The following PRMT2 variants were observed in gnomAD, a reference collection of about 807,000 sequenced individuals.
The protein encoded by PRMT2 is protein arginine methyltransferase 2, also known as protein arginine N-methyltransferase 2.
Under a neutral mutation model 57.6 loss-of-function variants are expected in PRMT2, and 26 were observed. The ratio of observed to expected loss-of-function variants is 0.45; its 90% CI spans 0.33 to 0.63. The LOEUF (loss-of-function observed/expected upper bound fraction) is 0.63. Among genes scored for constraint, PRMT2 ranks in the 20% least tolerant of loss-of-function variants. The probability of loss-of-function intolerance (pLI) is 0.02; values close to 1 mark genes in which losing one functional copy is unlikely to be tolerated. For missense variants in PRMT2, 472 were observed against 564.4 expected (o/e 0.84, Z 1.66); for synonymous variants, 219 against 220.0 (o/e 1.00, Z 0.04).
chr21:46,658,786 C>A lies in PRMT2; in HGVS notation c.696C>A (p.Ala232=), dbSNP rs748067661. 1 of 1,614,216 alleles carries A rather than the reference C, an allele frequency of 6.2e-7. No individual in the cohort carries two copies. The highest frequency in any genetic ancestry group is 1.7e-5 in the Admixed American group (1 of 60,036). Residue 232 remains alanine (A), a synonymous_variant, in exon 8 of 12, where the codon GCC becomes GCA. Coordinates refer to ENST00000355680, the MANE Select transcript of PRMT2 (RefSeq NM_206962.4). ...AGTCCATCCTGTATGCCCGGGATGC[C>A]TGGCTGAAGGAGGACGGGGTCATTT... The part of the protein sequence containing the change: ...MIESILYARD[A]WLKEDGVIWP...
In PRMT2 at chr21:46,659,934, A is replaced by G. The variant is rs1450597999; in HGVS notation, c.831-899A>G. 13 of 985,228 alleles carry G rather than the reference A, an allele frequency of 1.3e-5. No homozygotes were observed. The Admixed American group carries it at 5.5e-4, about 42-fold the overall frequency. The allele number at this position is 985,228 out of a possible 1,614,324, so 61.0% of individuals were successfully genotyped here. ...TGGCAGAATAAACCGTGTATACAGA[A>G]TGGATGTTTGCTTGCATAAATAAAT... On this transcript the variant is annotated intron_variant, in intron 8 of 11. Coordinates refer to ENST00000355680, the MANE Select transcript of PRMT2 (RefSeq NM_206962.4).
chr21:46,645,105 A>T (rs1333610140), intron 5 of PRMT2, among the ~76,000 whole-genome samples: 3 of 49,628 alleles, frequency 6.0e-5, no homozygotes, highest in Admixed American at 2.3e-4. Flanking sequence ...AAAAAAATTA[A>T]AAAAAAATAT....
intron 3 of PRMT2, among the ~76,000 whole-genome samples, chr21:46,642,179 G>A (rs2256208): frequency 0.78 from 118,831 of 152,134 alleles, 46,637 homozygotes; most frequent in East Asian, 0.9. Context: ...CAGTCCATCA[G>A]GTTCACATTC....
In PRMT2 at chr21:46,644,349, C is replaced by G. The variant is rs1255058285; in HGVS notation, c.188C>G (p.Thr63Ser). The G allele has an allele frequency of 2.5e-6, 4 of 1,610,320 alleles. No homozygotes were observed. The highest frequency in any genetic ancestry group is 3.4e-6 in the Non-Finnish European group (4 of 1,178,834). ...RGEKILILRQ[T>S]TADWWWGERA... is the part of the protein sequence containing the mutation. ...GAAAAAATTCTTATCCTGAGACAAA[C>G]CACTGCAGATTGGTGGTGGGGTGAG... The change falls in exon 5 of 12, where the codon ACC becomes AGC. Residue 63 changes from threonine to serine, a missense_variant. Around this residue, in one of 2 missense-constraint regions of PRMT2, gnomAD observed 243 missense variants for 347.2 expected, o/e 0.70. Transcript: ENST00000355680.
intron 3 of PRMT2, among the ~76,000 whole-genome samples, chr21:46,642,328 A>G (rs889938942): frequency 1.3e-5 from 2 of 151,240 alleles, no homozygotes; most frequent in African/African-American, 4.8e-5. Context: ...AAGTCCTGAT[A>G]ATTCATAGAC....
chr21:46,663,249 C>T lies in PRMT2; in HGVS notation c.1098-134C>T, dbSNP rs565841554. ...AAAAGCCAAGCTTTGTGTCCCCAGG[C>T]CCTCAGGGTGGACTGCCGGCTGTGT... On this transcript the variant is annotated intron_variant, in intron 10 of 11. Coordinates refer to ENST00000355680, the MANE Select transcript of PRMT2 (RefSeq NM_206962.4). 52 of 778,620 alleles carry T rather than the reference C, an allele frequency of 6.7e-5. No homozygotes were observed. In the African/African-American group the frequency reaches 6.8e-4, roughly 10 times the overall value. 48.2% of individuals were successfully genotyped at this position (778,620 alleles called of 1,614,324 possible).
intron 7 of PRMT2, chr21:46,652,428 G>T: frequency 9.5e-7 from 1 of 1,056,522 alleles, no homozygotes. Flanking sequence ...AAAAGCATAA[G>T]ATAAAGGTAA....
chr21:46,648,791 G>A lies in PRMT2; in HGVS notation c.489+172G>A, dbSNP rs534680938. 1.2e-3 allele frequency among the ~76,000 whole-genome samples: 184 copies of A among 152,300 alleles called. 1 individual carries two copies. Among genetic ancestry groups the A allele is most frequent in the Middle Eastern group, 6.8e-3 (2 of 294 alleles). On this transcript the variant is annotated intron_variant, in intron 6 of 11. Coordinates refer to ENST00000355680, the MANE Select transcript of PRMT2 (RefSeq NM_206962.4). This position sits in a 1 kb window ranked among gnomAD's most constrained non-coding sequence, Gnocchi z 4.8. ...CTCAGGGTCGGTAAAATAGCAGTGCGTGGAGACCGCGTGCTAGAGGCCGTG... is the reference window on the plus strand; with the variant it reads ...CTCAGGGTCGGTAAAATAGCAGTGCATGGAGACCGCGTGCTAGAGGCCGTG...
At chr21:46,662,764 C>G (rs1214183332) in intron 10 of PRMT2, among the ~76,000 whole-genome samples, 1 of 152,174 alleles carries the variant, frequency 6.6e-6, no homozygotes, top group Admixed American at 6.5e-5. Context: ...GCCTGAGGAA[C>G]TTAGAGATGT....
At chr21:46,655,570 A>T (rs2061530148) in intron 7 of PRMT2, among the ~76,000 whole-genome samples, 1 of 152,196 alleles carries the variant, frequency 6.6e-6, no homozygotes, top group Non-Finnish European at 1.5e-5. Context: ...GACATCTACA[A>T]AAAAACCTAC....
chr21:46,649,340 C>T lies in PRMT2; in HGVS notation c.490-235C>T, dbSNP rs1025347397. Among the ~76,000 whole-genome samples, 9 of 152,298 alleles carry T rather than the reference C, an allele frequency of 5.9e-5. No individual in the cohort carries two copies. The highest frequency in any genetic ancestry group is 1.0e-4 in the Non-Finnish European group (7 of 68,028). ...TGCGAGTCTTCCATCCACTTGCAGCCCTGCGTCTGTGTCTTGTCCGGGAGG... is the reference window on the plus strand; with the variant it reads ...TGCGAGTCTTCCATCCACTTGCAGCTCTGCGTCTGTGTCTTGTCCGGGAGG... On this transcript the variant is annotated intron_variant, in intron 6 of 11. Transcript: ENST00000355680. This position sits in a 1 kb window ranked among gnomAD's most constrained non-coding sequence, Gnocchi z 4.8.
chr21:46,662,752 G>C (rs2061649770), intron 10 of PRMT2, among the ~76,000 whole-genome samples: 1 of 152,202 alleles, frequency 6.6e-6, no homozygotes. Context: ...AGGGAAGACA[G>C]AGCCTGAGGA....
chr21:46,660,552 C>T (rs1367339303), intron 8 of PRMT2, among the ~76,000 whole-genome samples: 2 of 152,184 alleles, frequency 1.3e-5, no homozygotes, highest in Admixed American at 6.5e-5. Context: ...ATGAATGAGA[C>T]CTCACAGGGA....
At chr21:46,659,970 ATGTC>A (rs1299828625) in intron 8 of PRMT2, 19 of 983,546 alleles carry the variant, frequency 1.9e-5, no homozygotes, top group East Asian at 1.1e-4. Flanking sequence ...TTATATAAAT[ATGTC>A]TGGGGGATAA....
intron 7 of PRMT2, chr21:46,654,795 A>C (rs933221423): frequency 1.7e-6 from 1 of 575,844 alleles, no homozygotes; most frequent in African/African-American, 2.0e-5. Flanking sequence ...TATATGGGGG[A>C]CTTTAGCATC....
chr21:46,654,251 T>A, intron 7 of PRMT2: 1 of 468,188 alleles, frequency 2.1e-6, no homozygotes, highest in Non-Finnish European at 2.8e-6. Context: ...TAGCAATACA[T>A]ATGATCATTA....
intron 3 of PRMT2, among the ~76,000 whole-genome samples, chr21:46,639,689 A>AGTGT (rs764502507): frequency 1.4e-5 from 2 of 146,330 alleles, no homozygotes; most frequent in Non-Finnish European, 3.0e-5. Flanking sequence ...GCTTACATAA[A>AGTGT]GTGTGTGTGT....
intron 7 of PRMT2, among the ~76,000 whole-genome samples, chr21:46,651,543 C>T (rs2061451251): frequency 6.6e-6 from 1 of 151,874 alleles, no homozygotes. Flanking sequence ...TGGTTTTCTC[C>T]AGTGCAGGCA....
In PRMT2 at chr21:46,649,561, C is replaced by T; in HGVS notation, c.490-14C>T. ...CCGGCCGGATGTACGCTGACGGTGC[C>T]TCTGCTGCTGCAGGTGTACGCGGTG... On this transcript the variant is annotated splice_polypyrimidine_tract_variant and intron_variant, in intron 6 of 11. Transcript: ENST00000355680. The surrounding 1 kb of genome is among the most constrained non-coding windows in gnomAD (Gnocchi z 4.8). 1.9e-6 allele frequency: 3 copies of T among 1,613,966 alleles called. No individual in the cohort carries two copies. Among genetic ancestry groups the T allele is most frequent in the Non-Finnish European group, 1.7e-6 (2 of 1,180,042 alleles).
Sources: allele counts gnomAD v4.1 joint callset (sites outside exome capture counted in the v4.1 genomes callset), GRCh38; gene constraint gnomAD v4.1.1; regional missense constraint gnomAD v4.1.1; non-coding constraint Gnocchi (gnomAD v3.1); transcripts MANE v1.5; gene names NCBI Gene and HGNC (gene_info 2026-07-23, HGNC 2026-07-21).